Variants in SKAP1 observed in about 807,000 individuals in gnomAD.
SKAP1 encodes the protein src kinase associated phosphoprotein 1, also known as src kinase-associated phosphoprotein 1.
In SKAP1, 44 loss-of-function variants were observed where a neutral mutation model predicts 58.5. That is an observed-to-expected ratio of 0.75 (90% CI 0.59 to 0.97). The LOEUF (loss-of-function observed/expected upper bound fraction) is 0.97. Ranked by LOEUF, SKAP1 falls within the 50% of genes least tolerant of loss-of-function variation. The probability of loss-of-function intolerance (pLI) is 0.00; values close to 1 mark genes in which losing one functional copy is unlikely to be tolerated. For missense variants in SKAP1, 390 were observed against 435.2 expected, an observed-to-expected ratio of 0.90 and a Z score of 0.92; for synonymous variants, 127 against 149.7, an observed-to-expected ratio of 0.85 and a Z score of 1.11.
At chr17:48,377,405 C>T (rs1049716429) in intron 2 of SKAP1, 7 of 145,636 alleles carry the variant, frequency 4.8e-5, no homozygotes, top group Admixed American at 4.2e-4. Flanking sequence ...GAGACCCCAT[C>T]TCTAGAAAAA....
intron 2 of SKAP1, chr17:48,380,092 T>A (rs758250332): frequency 6.6e-6 from 1 of 152,270 alleles, no homozygotes; most frequent in Non-Finnish European, 1.5e-5. Context: ...TAAAAGCTAA[T>A]GACTACGTGA....
chr17:48,342,285 T>C (rs537168573), intron 4 of SKAP1, among the ~76,000 whole-genome samples: 1 of 152,308 alleles, frequency 6.6e-6, no homozygotes, highest in African/African-American at 2.4e-5. Context: ...TCTCTCTGCC[T>C]TCAAATTGTG....
chr17:48,296,096 C>A (rs2065966521), intron 4 of SKAP1, among the ~76,000 whole-genome samples: 1 of 152,100 alleles, frequency 6.6e-6, no homozygotes, highest in South Asian at 2.1e-4. Flanking sequence ...GGGAGACACA[C>A]ACATTCAGAT....
intron 4 of SKAP1, among the ~76,000 whole-genome samples, chr17:48,224,010 CAGAG>C (rs10633331): frequency 0.053 from 5,007 of 94,148 alleles, 427 homozygotes; most frequent in Middle Eastern, 0.082. Context: ...AGATGGGAGA[CAGAG>C]AGAGAGAGAG....
At chr17:48,302,353 C>G (rs941658393) in intron 4 of SKAP1, among the ~76,000 whole-genome samples, 3 of 151,870 alleles carry the variant, frequency 2.0e-5, no homozygotes, top group African/African-American at 7.3e-5. Context: ...CATATTCTTA[C>G]TTCAAATCCA....
chr17:48,284,003 G>T (rs931839651), intron 4 of SKAP1, among the ~76,000 whole-genome samples: 1 of 152,094 alleles, frequency 6.6e-6, no homozygotes, highest in African/African-American at 2.4e-5. Flanking sequence ...GAAATTGTTT[G>T]CCCAGCCTAA....
At chr17:48,229,648 A>C (rs532462355) in intron 4 of SKAP1, among the ~76,000 whole-genome samples, 3 of 152,106 alleles carry the variant, frequency 2.0e-5, no homozygotes, top group Non-Finnish European at 4.4e-5. Flanking sequence ...TAAAATATAC[A>C]TAAAAAATAA....
At chr17:48,207,057 T>G (rs2064818808) in intron 4 of SKAP1, among the ~76,000 whole-genome samples, 1 of 152,218 alleles carries the variant, frequency 6.6e-6, no homozygotes, top group Admixed American at 6.5e-5. Context: ...CATGTCTCCA[T>G]ATTTATATAA....
chr17:48,134,405 G>A (rs375860707), intron 12 of SKAP1, among the ~76,000 whole-genome samples: 2 of 152,132 alleles, frequency 1.3e-5, no homozygotes, highest in East Asian at 1.9e-4. Flanking sequence ...TGCAACCTCC[G>A]CCTCGTGGAT....
At chr17:48,398,954 G>A (rs1396063132) in intron 1 of SKAP1, among the ~76,000 whole-genome samples, 1 of 152,144 alleles carries the variant, frequency 6.6e-6, no homozygotes, top group Non-Finnish European at 1.5e-5. Context: ...CAGGGAGTTG[G>A]AGGTTGCAGT....
At chr17:48,328,533 C>T (rs1283841542) in intron 4 of SKAP1, among the ~76,000 whole-genome samples, 1 of 151,890 alleles carries the variant, frequency 6.6e-6, no homozygotes, top group Non-Finnish European at 1.5e-5. Flanking sequence ...CATCTCAGTA[C>T]CATTTAAACA....
chr17:48,326,251 T>C (rs1381286657), intron 4 of SKAP1, among the ~76,000 whole-genome samples: 3 of 152,232 alleles, frequency 2.0e-5, no homozygotes, highest in South Asian at 2.1e-4. Flanking sequence ...GGGAAATGCA[T>C]TTGTTTGTTT....
chr17:48,251,297 G>C (rs751780837), intron 4 of SKAP1, among the ~76,000 whole-genome samples: 2 of 152,176 alleles, frequency 1.3e-5, no homozygotes, highest in Non-Finnish European at 2.9e-5. Flanking sequence ...CACTTATAAA[G>C]ACTGTTGGTT....
chr17:48,184,698 T>A (rs377321076), intron 7 of SKAP1, 25 bp downstream of exon 7: 226 of 1,613,514 alleles, frequency 1.4e-4, no homozygotes, highest in Non-Finnish European at 1.8e-4. Context: ...CCAAGAAGGA[T>A]CACCATCTCC....
chr17:48,222,013 T>G (rs748952512), intron 4 of SKAP1, among the ~76,000 whole-genome samples: 9 of 152,172 alleles, frequency 5.9e-5, no homozygotes, highest in Non-Finnish European at 1.2e-4. Context: ...TATGTAAATG[T>G]AAAGAATTAT....
At chr17:48,372,868 G>A (rs191501036) in intron 2 of SKAP1, among the ~76,000 whole-genome samples, 6 of 151,874 alleles carry the variant, frequency 4.0e-5, no homozygotes, top group East Asian at 3.9e-4. Flanking sequence ...GACTGGTCTC[G>A]AACTTCTGGC....
chr17:48,201,023 CAA>C (rs1273745174), intron 4 of SKAP1, among the ~76,000 whole-genome samples: 1 of 152,074 alleles, frequency 6.6e-6, no homozygotes, highest in Non-Finnish European at 1.5e-5. Flanking sequence ...GCTTAAGTCA[CAA>C]ACAGTCATTT....
intron 1 of SKAP1, among the ~76,000 whole-genome samples, chr17:48,407,522 T>C (rs1437193556): frequency 2.6e-5 from 4 of 151,946 alleles, no homozygotes; most frequent in Non-Finnish European, 4.4e-5. Flanking sequence ...TTTTAAAGAG[T>C]TCCATTGTAC....
intron 9 of SKAP1, among the ~76,000 whole-genome samples, chr17:48,179,452 A>G (rs998956577): frequency 6.6e-6 from 1 of 152,228 alleles, no homozygotes; most frequent in Non-Finnish European, 1.5e-5. Flanking sequence ...TGCCTTTGGA[A>G]GAAAGGAAAT....
Sources: allele counts gnomAD v4.1 joint callset (sites outside exome capture counted in the v4.1 genomes callset), GRCh38; gene constraint gnomAD v4.1.1; transcripts MANE v1.5; gene names NCBI Gene and HGNC (gene_info 2026-07-23, HGNC 2026-07-21).